The following SYT16 variants were observed in gnomAD, a reference collection of about 807,000 sequenced individuals.
SYT16 encodes the protein synaptotagmin 16.
Under a neutral mutation model 61.4 loss-of-function variants are expected in SYT16, and 42 were observed. That is an observed-to-expected ratio of 0.68 (90% CI 0.53 to 0.89). SYT16 has a LOEUF of 0.89. Ranked by LOEUF, SYT16 falls within the 40% of genes least tolerant of loss-of-function variation. The pLI, the probability that SYT16 is intolerant of heterozygous loss-of-function variation, is 0.00. For missense variants in SYT16, 804 were observed against 807.3 expected, an observed-to-expected ratio of 1.00 and a Z score of 0.05; for synonymous variants, 314 against 302.3, an observed-to-expected ratio of 1.04 and a Z score of -0.40.
chr14:62,047,859 C>A (rs933546996), intron 3 of SYT16, among the ~76,000 whole-genome samples: 2 of 152,192 alleles, frequency 1.3e-5, no homozygotes, highest in Admixed American at 6.5e-5. Flanking sequence ...TTTTGATGTA[C>A]TACTGGATTC....
intron 1 of SYT16, among the ~76,000 whole-genome samples, chr14:61,895,982 CTGTT>C (rs1247999236): frequency 3.3e-5 from 5 of 152,122 alleles, no homozygotes; most frequent in African/African-American, 1.2e-4. Context: ...TGATTGCCCT[CTGTT>C]TGCGCTGGGC....
intron 1 of SYT16, among the ~76,000 whole-genome samples, chr14:61,888,178 C>T (rs1411114735): frequency 6.9e-6 from 1 of 145,912 alleles, no homozygotes; most frequent in Non-Finnish European, 1.5e-5. Flanking sequence ...AGTGCAGTGG[C>T]GTGATCTTGG....
chr14:61,914,686 T>C (rs1344571042), intron 1 of SYT16, among the ~76,000 whole-genome samples: 3 of 152,182 alleles, frequency 2.0e-5, no homozygotes, highest in African/African-American at 7.2e-5. Flanking sequence ...TCCCAACAAG[T>C]TGATTTGGGT....
intron 3 of SYT16, among the ~76,000 whole-genome samples, chr14:62,001,111 T>C (rs1011470419): frequency 1.1e-4 from 16 of 152,046 alleles, no homozygotes; most frequent in African/African-American, 3.6e-4. Flanking sequence ...TTTAAAAAGA[T>C]AAAAAGATTA....
chr14:61,862,182 G>A (rs1331922952), intron 1 of SYT16, among the ~76,000 whole-genome samples: 1 of 152,164 alleles, frequency 6.6e-6, no homozygotes, highest in African/African-American at 2.4e-5. Flanking sequence ...CTTTTGACAA[G>A]TGTGTAGTTT....
intron 7 of SYT16, among the ~76,000 whole-genome samples, chr14:62,096,660 T>C (rs1312156939): frequency 6.6e-6 from 1 of 152,114 alleles, no homozygotes; most frequent in Non-Finnish European, 1.5e-5. Flanking sequence ...CACCTCTATT[T>C]ACATATTGAA....
intron 5 of SYT16, among the ~76,000 whole-genome samples, chr14:62,075,978 C>A (rs902576226): frequency 1.3e-5 from 2 of 152,198 alleles, no homozygotes; most frequent in African/African-American, 4.8e-5. Flanking sequence ...TGGCCATTGA[C>A]ATTGGTTTTG....
chr14:61,992,434 G>A (rs755017172), intron 2 of SYT16, among the ~76,000 whole-genome samples: 10 of 152,048 alleles, frequency 6.6e-5, no homozygotes, highest in Non-Finnish European at 1.3e-4. Flanking sequence ...GACAAAAGGC[G>A]GGAGCTCCGT....
rs536324146 is a variant in SYT16, at chr14:62,041,394, A to G, written c.524-28209A>G. Among the ~76,000 whole-genome samples, 3 of 152,310 alleles carry G rather than the reference A, an allele frequency of 2.0e-5. No homozygotes were observed. The East Asian group carries it at 5.8e-4, about 29-fold the overall frequency. ...TCCTGGCTACTTTTAACTGATTTTAAGGAATTTATTATATGCCTTGATAGA... is the reference window on the plus strand; with the variant it reads ...TCCTGGCTACTTTTAACTGATTTTAGGGAATTTATTATATGCCTTGATAGA... On this transcript the variant is annotated intron_variant, in intron 3 of 7. Coordinates refer to ENST00000683842, the MANE Select transcript of SYT16 (RefSeq NM_001367656.1).
rs1488634140 is a variant in SYT16 at position 62,109,217 on chromosome 14, T to C, written c.*8510T>C. The C allele has an allele frequency of 1.3e-5, 2 of 152,060 alleles. No homozygotes were observed. Among genetic ancestry groups the C allele is most frequent in the Admixed American group, 1.3e-4 (2 of 15,256 alleles). 9.4% of individuals were successfully genotyped at this position (152,060 alleles called of 1,614,324 possible). Reference sequence around the variant, plus strand: ...CTCCCACCTAAGCCCTGGCATCCACTGGTCCTTGTACTGTCCCCAGAGTTT... The same window carrying C: ...CTCCCACCTAAGCCCTGGCATCCACCGGTCCTTGTACTGTCCCCAGAGTTT... On this transcript the variant is annotated 3_prime_UTR_variant, in exon 8 of 8. Coordinates refer to ENST00000683842, the MANE Select transcript of SYT16 (RefSeq NM_001367656.1).
At chr14:62,072,285 A>T (rs911634187) in intron 4 of SYT16, among the ~76,000 whole-genome samples, 2 of 152,204 alleles carry the variant, frequency 1.3e-5, no homozygotes, top group Admixed American at 6.5e-5. Context: ...GAGATGGTAT[A>T]TCTGCCATGG....
chr14:61,842,774 A>G (rs982635183), intron 1 of SYT16, among the ~76,000 whole-genome samples: 11 of 134,536 alleles, frequency 8.2e-5, no homozygotes, highest in African/African-American at 2.4e-4. Flanking sequence ...GGGGACTGTT[A>G]GGGGGTGGGG....
intron 1 of SYT16, among the ~76,000 whole-genome samples, chr14:61,955,328 A>AT (rs1012578074): frequency 6.6e-6 from 1 of 151,960 alleles, no homozygotes; most frequent in Non-Finnish European, 1.5e-5. Context: ...CTTTTAGCAA[A>AT]TTTTTTACAT....
chr14:61,988,190 A>T (rs1444394425), intron 2 of SYT16, among the ~76,000 whole-genome samples: 1 of 152,166 alleles, frequency 6.6e-6, no homozygotes, highest in Non-Finnish European at 1.5e-5. Flanking sequence ...TTTAGATTGG[A>T]TGACAATAAG....
At chr14:62,048,350 A>G (rs1382730733) in intron 3 of SYT16, among the ~76,000 whole-genome samples, 1 of 151,982 alleles carries the variant, frequency 6.6e-6, no homozygotes, top group Non-Finnish European at 1.5e-5. Flanking sequence ...TATTGCATCT[A>G]TTTGATTCTT....
intron 1 of SYT16, among the ~76,000 whole-genome samples, chr14:61,950,106 G>C (rs1398490999): frequency 6.6e-6 from 1 of 152,148 alleles, no homozygotes; most frequent in Non-Finnish European, 1.5e-5. Context: ...GAAGTTATAA[G>C]GTCAAATGTA....
rs1275779986 is a variant in SYT16 at position 61,878,135 on chromosome 14, C to G, written c.-325+65325C>G. 2.6e-5 allele frequency among the ~76,000 whole-genome samples: 4 copies of G among 152,192 alleles called. No individual in the cohort carries two copies. The East Asian group carries it at 5.8e-4, about 22-fold the overall frequency. ...TATTACAGTACGCAGAGGCAAAAAA[C>G]TTAAAAGGACCATGAGATGTAGTTC... On this transcript the variant is annotated intron_variant, in intron 1 of 7. Transcript: ENST00000683842.
chr14:62,041,308 A>G (rs2054720480), intron 3 of SYT16, among the ~76,000 whole-genome samples: 1 of 152,190 alleles, frequency 6.6e-6, no homozygotes, highest in Admixed American at 6.5e-5. Flanking sequence ...CTCAGTGTTA[A>G]CCATCACACT....
At chr14:61,972,968 A>G (rs2051624115) in intron 2 of SYT16, among the ~76,000 whole-genome samples, 1 of 152,166 alleles carries the variant, frequency 6.6e-6, no homozygotes, top group African/African-American at 2.4e-5. Flanking sequence ...TCAGTCTATG[A>G]ATGGAAGAGA....
Sources: allele counts gnomAD v4.1 joint callset (sites outside exome capture counted in the v4.1 genomes callset), GRCh38; gene constraint gnomAD v4.1.1; transcripts MANE v1.5; gene names NCBI Gene and HGNC (gene_info 2026-07-23, HGNC 2026-07-21).